RAB27B: variants seen among roughly 807,000 people sequenced by gnomAD.
The protein encoded by RAB27B is ras-related protein Rab-27B.
In RAB27B, 15 loss-of-function variants were observed where a neutral mutation model predicts 24.6. The ratio of observed to expected loss-of-function variants is 0.61; its 90% CI spans 0.41 to 0.94. The LOEUF (loss-of-function observed/expected upper bound fraction) is 0.94, where lower values mean the gene tolerates loss of function less well. RAB27B is among the 40% of genes least tolerant of loss of function. The pLI, the probability that RAB27B is intolerant of heterozygous loss-of-function variation, is 0.00. For missense variants in RAB27B, 261 were observed against 266.8 expected, an observed-to-expected ratio of 0.98 and a Z score of 0.15; for synonymous variants, 105 against 92.5, an observed-to-expected ratio of 1.14 and a Z score of -0.78.
chr18:54,837,817 CATT>C (rs925756008), intron 1 of RAB27B, among the ~76,000 whole-genome samples: 6 of 151,984 alleles, frequency 3.9e-5, no homozygotes, highest in African/African-American at 1.4e-4. Flanking sequence ...TTATTAAAAT[CATT>C]GTTGTTCAAT....
At chr18:54,779,886 C>T (rs73960626) in intron 2 of RAB27B, among the ~76,000 whole-genome samples, 9,726 of 151,828 alleles carry the variant, frequency 0.064, 419 homozygotes, top group African/African-American at 0.099. Context: ...GTCCCCTCTC[C>T]TGACAGCTTC....
intron 2 of RAB27B, among the ~76,000 whole-genome samples, chr18:54,761,209 C>G (rs1343882393): frequency 6.6e-6 from 1 of 152,072 alleles, no homozygotes; most frequent in Admixed American, 6.6e-5. Context: ...TCAGGCTGAG[C>G]TCAACTCCTT....
chr18:54,777,346 G>C (rs1908748517), intron 2 of RAB27B, among the ~76,000 whole-genome samples: 1 of 152,160 alleles, frequency 6.6e-6, no homozygotes, highest in Non-Finnish European at 1.5e-5. Flanking sequence ...TTGGGTACAG[G>C]GATGGGTGCA....
chr18:54,835,528 A>G (rs12604321), intron 1 of RAB27B, among the ~76,000 whole-genome samples: 96,913 of 151,834 alleles, frequency 0.64, 33,493 homozygotes, highest in East Asian at 0.91. Flanking sequence ...AAACGCTTCT[A>G]TTAGGAAGAA....
chr18:54,887,222 A>G (rs1345768047), intron 4 of RAB27B, among the ~76,000 whole-genome samples: 1 of 151,908 alleles, frequency 6.6e-6, no homozygotes, highest in African/African-American at 2.4e-5. Context: ...CGGAGGTTAG[A>G]GAAAGGAAAG....
chr18:54,733,401 A>C (rs1009820654), intron 2 of RAB27B, among the ~76,000 whole-genome samples: 1 of 152,098 alleles, frequency 6.6e-6, no homozygotes, highest in Non-Finnish European at 1.5e-5. Flanking sequence ...CCAGGGGTGC[A>C]TCCATAACAT....
chr18:54,815,602 T>C (rs1048440889), intron 2 of RAB27B, among the ~76,000 whole-genome samples: 12 of 152,218 alleles, frequency 7.9e-5, no homozygotes, highest in African/African-American at 2.7e-4. Context: ...GAGCATCATT[T>C]TGTAAACCCC....
At chr18:54,812,747 G>A (rs182122609) in intron 2 of RAB27B, among the ~76,000 whole-genome samples, 286 of 152,160 alleles carry the variant, frequency 1.9e-3, no homozygotes, top group African/African-American at 6.5e-3. Context: ...ATTTCTAATG[G>A]TTTAAAGATG....
intron 1 of RAB27B, among the ~76,000 whole-genome samples, chr18:54,835,084 AAT>A: frequency 6.6e-6 from 1 of 152,082 alleles, no homozygotes; most frequent in Admixed American, 6.5e-5. Flanking sequence ...TATTATTCAA[AAT>A]ATATTATTTT....
At chr18:54,758,936 C>T (rs1486944714) in intron 2 of RAB27B, among the ~76,000 whole-genome samples, 1 of 152,174 alleles carries the variant, frequency 6.6e-6, no homozygotes, top group Non-Finnish European at 1.5e-5. Context: ...CTTCAAACGT[C>T]TCTCTATAGC....
rs546513316 is a variant in RAB27B, at chr18:54,724,278, G to C, written c.-20+6137G>C. ...AGCATATATAGAAAATTACTTAGTA[G>C]TTTGAATTCTCAGTAAACTCAATGT... On this transcript the variant is annotated intron_variant, in intron 2 of 4. Coordinates refer to the RAB27B transcript ENST00000586570. 3.3e-5 allele frequency among the ~76,000 whole-genome samples: 5 copies of C among 151,782 alleles called. No homozygotes were observed. The East Asian group carries it at 9.6e-4, about 29-fold the overall frequency.
intron 2 of RAB27B, among the ~76,000 whole-genome samples, chr18:54,818,828 G>A (rs184769120): frequency 5.3e-5 from 8 of 152,164 alleles, no homozygotes; most frequent in Admixed American, 3.3e-4. Context: ...TATCCTAATC[G>A]TGTTTTTTAA....
chr18:54,816,419 G>A (rs746352195), intron 2 of RAB27B, among the ~76,000 whole-genome samples: 2 of 152,186 alleles, frequency 1.3e-5, no homozygotes, highest in South Asian at 2.1e-4. Flanking sequence ...TTTTAAATCA[G>A]TAAGTATATC....
chr18:54,879,700 T>C lies in RAB27B; in HGVS notation c.239+246T>C, dbSNP rs1263426092. On this transcript the variant is annotated intron_variant, in intron 3 of 5. Transcript: ENST00000262094. Reference sequence around the variant, plus strand: ...CTCTCTGAAGATTCTTGCTATGCACTGTCTTTGCACTTCTTAGAAGGAAAA... The same window carrying C: ...CTCTCTGAAGATTCTTGCTATGCACCGTCTTTGCACTTCTTAGAAGGAAAA... 4.5e-6 allele frequency: 2 copies of C among 443,214 alleles called. 1 individual carries two copies. The highest frequency in any genetic ancestry group is 7.3e-5 in the East Asian group (2 of 27,474). The allele number at this position is 443,214 out of a possible 1,614,324, so 27.5% of individuals were successfully genotyped here. A position where few individuals can be genotyped will look rare whatever the true frequency, so the allele number is the denominator to read the frequency against.
chr18:54,867,442 C>CTTTTCT (rs1555666326), intron 1 of RAB27B, among the ~76,000 whole-genome samples: 16,110 of 99,648 alleles, frequency 0.16, 1,411 homozygotes, highest in South Asian at 0.21. Flanking sequence ...CTTTTCTTTT[C>CTTTTCT]TTTTTTTTTT....
At position 54,888,132 on chromosome 18, in the gene RAB27B, A is replaced by C. The variant is rs750373473; in HGVS notation, c.467+14A>C. On this transcript the variant is annotated intron_variant, in intron 5 of 5. Transcript: ENST00000262094. ...TGACAAATATGGGTAAGTCAGTTAC[A>C]CTGAGATGGCATGTGACTTGCACAC... is the stretch of plus-strand genomic sequence containing the variant. 3.1e-6 allele frequency: 5 copies of C among 1,611,908 alleles called. No homozygotes were observed. The highest frequency in any genetic ancestry group is 1.7e-6 in the Non-Finnish European group (2 of 1,178,780).
intron 2 of RAB27B, among the ~76,000 whole-genome samples, chr18:54,738,901 G>T (rs1171353745): frequency 2.0e-5 from 3 of 152,076 alleles, no homozygotes; most frequent in Non-Finnish European, 4.4e-5. Context: ...GTAACTATGG[G>T]TGTCTTCAAG....
At position 54,757,683 on chromosome 18, in the gene RAB27B, G is replaced by T. The variant is rs550416462; in HGVS notation, c.-20+39542G>T. ...AATTTGATAAAATTGGGACAAAAAA[G>T]ATTACTTATTTTTCTTTGTAAACAC... On this transcript the variant is annotated intron_variant, in intron 2 of 4. Coordinates refer to the RAB27B transcript ENST00000586570. Among the ~76,000 whole-genome samples, 32 of 152,132 alleles carry T rather than the reference G, an allele frequency of 2.1e-4. No homozygotes were observed. The Middle Eastern group carries it at 0.01, about 49-fold the overall frequency.
chr18:54,805,087 A>C lies in RAB27B; in HGVS notation c.-19-72480A>C, dbSNP rs919735521. On this transcript the variant is annotated intron_variant, in intron 2 of 4. Coordinates refer to the RAB27B transcript ENST00000586570. ...CAGGGAGGTTTCTGGAGGTCTCCTT[A>C]ATCCAAGGGCACTCTGAGCATCCTC... 5.3e-5 allele frequency among the ~76,000 whole-genome samples: 8 copies of C among 151,452 alleles called. 1 individual carries two copies. The highest frequency in any genetic ancestry group is 2.0e-4 in the Admixed American group (3 of 15,220).
Sources: gnomAD v4.1 joint callset for allele counts (sites outside exome capture counted in the v4.1 genomes callset) on GRCh38, gnomAD v4.1.1 for gene constraint, MANE v1.5 for transcripts, NCBI Gene and HGNC (gene_info 2026-07-23, HGNC 2026-07-21) for gene names.